The following TRAPPC11 variants were observed in gnomAD, a reference collection of about 807,000 sequenced individuals.
TRAPPC11 encodes the protein trafficking protein particle complex subunit 11, also known as foie gras homolog.
Under a neutral mutation model 151.2 loss-of-function variants are expected in TRAPPC11, and 104 were observed. The observed-to-expected ratio is 0.69, with a 90% confidence interval of 0.59 to 0.81. The LOEUF (loss-of-function observed/expected upper bound fraction) is 0.81. TRAPPC11 is among the 30% of genes least tolerant of loss of function. The pLI, the probability that TRAPPC11 is intolerant of heterozygous loss-of-function variation, is 0.00. For missense variants in TRAPPC11, 1,230 were observed against 1,349.6 expected, an observed-to-expected ratio of 0.91 and a Z score of 1.39; for synonymous variants, 456 against 472.3, an observed-to-expected ratio of 0.97 and a Z score of 0.45.
chr4:183,697,634 G>A, intron 24 of TRAPPC11, 45 bp from the exon 25 acceptor site: 1 of 1,610,410 alleles, frequency 6.2e-7, no homozygotes, highest in East Asian at 2.2e-5. Flanking sequence ...TGATAAAATG[G>A]ATTAAGGTAA....
chr4:183,660,859 A>ACC, intron 1 of TRAPPC11, among the ~76,000 whole-genome samples: 2 of 151,680 alleles, frequency 1.3e-5, no homozygotes, highest in South Asian at 4.2e-4. Context: ...GACTATAGGC[A>ACC]CGCATCACCA....
Position 183,693,131 on chromosome 4 carries a change from A to C in TRAPPC11, c.2221A>C (p.Ile741Leu). ...DNEVHWDSII[I>L]QASTMIISRV... ...TGAAGTTCACTGGGACAGCATTATA[A>C]TTCAGGCAAGCACAATGTAAGTCTG... Residue 741 changes from isoleucine to leucine, a missense_variant, in exon 20 of 30, where the codon ATT becomes CTT. By Grantham distance (5) the Ile-to-Leu change is conservative. Coordinates refer to ENST00000334690, the MANE Select transcript of TRAPPC11 (RefSeq NM_021942.6). The C allele has an allele frequency of 6.2e-7, 1 of 1,605,108 alleles. No individual in the cohort carries two copies. Among genetic ancestry groups the C allele is most frequent in the Non-Finnish European group, 8.5e-7 (1 of 1,174,222 alleles).
intron 11 of TRAPPC11, among the ~76,000 whole-genome samples, chr4:183,683,599 C>T (rs750651107): frequency 1.3e-5 from 2 of 151,514 alleles, no homozygotes; most frequent in African/African-American, 2.4e-5. Context: ...GAGGTTGATG[C>T]GCAGTGAGCT....
chr4:183,676,341 G>C (rs894452064), intron 7 of TRAPPC11, among the ~76,000 whole-genome samples: 1 of 152,010 alleles, frequency 6.6e-6, no homozygotes, highest in Non-Finnish European at 1.5e-5. Context: ...GTAGAGACAG[G>C]GTTTCACCAT....
intron 1 of TRAPPC11, 54 bp from the exon 2 acceptor site, chr4:183,663,793 A>T: frequency 9.0e-7 from 1 of 1,114,962 alleles, no homozygotes; most frequent in Non-Finnish European, 1.3e-6. Context: ...GGCTGGAGAA[A>T]TGAATATGAG....
rs200466260 is a variant in TRAPPC11 at position 183,706,843 on chromosome 4, C to G, written c.3092C>G (p.Pro1031Arg). The G allele has an allele frequency of 4.8e-4, 771 of 1,613,984 alleles. 8 individuals carry two copies. In the East Asian group the frequency reaches 0.011, roughly 24 times the overall value. Reference protein sequence around the residue: ...PSFGRVRESLPVKYHLQNKTD... With the variant: ...PSFGRVRESLRVKYHLQNKTD... Reference sequence around the variant, plus strand: ...TTTGGGCGTGTCAGAGAGTCGTTACCTGTCAAGTATCACCTACAGAATAAG... The same window carrying G: ...TTTGGGCGTGTCAGAGAGTCGTTACGTGTCAAGTATCACCTACAGAATAAG... Residue 1031 changes from proline (P) to arginine (R), a missense_variant, in exon 28 of 30, where the codon CCT becomes CGT. Physicochemically the swap from Pro to Arg is moderately radical, Grantham distance 103 (BLOSUM62 -2). Transcript: ENST00000334690.
At chr4:183,693,541 A>G (rs1736366137) in intron 20 of TRAPPC11, 48 bp from the exon 21 acceptor site, 5 of 1,557,110 alleles carry the variant, frequency 3.2e-6, no homozygotes, top group African/African-American at 1.4e-5. Context: ...TGAATAATTT[A>G]TTTGCTTTTT....
At chr4:183,699,477 C>T (rs1736697139) in intron 25 of TRAPPC11, among the ~76,000 whole-genome samples, 1 of 152,288 alleles carries the variant, frequency 6.6e-6, no homozygotes, top group East Asian at 1.9e-4. Context: ...TCTTATTCAT[C>T]TTCATATCGC....
intron 8 of TRAPPC11, among the ~76,000 whole-genome samples, chr4:183,677,923 A>C (rs1236153340): frequency 6.7e-6 from 1 of 148,898 alleles, no homozygotes; most frequent in African/African-American, 2.5e-5. Flanking sequence ...AGAAGTGTCT[A>C]TTCACCTTAG....
chr4:183,674,786 GA>G lies in TRAPPC11; in HGVS notation c.636del (p.Glu212AspfsTer3). 1 of 1,593,548 alleles carries G rather than the reference GA, an allele frequency of 6.3e-7. No individual in the cohort carries two copies. The highest frequency in any genetic ancestry group is 8.5e-7 in the Non-Finnish European group (1 of 1,171,864). On this transcript the variant is annotated frameshift_variant, in exon 6 of 30. Coordinates refer to ENST00000334690, the MANE Select transcript of TRAPPC11 (RefSeq NM_021942.6). LOFTEE classifies it high-confidence loss of function. The part of the protein sequence containing the change: ...TEIRRVKSHK[E>X]FLNKTTHQLL... ...GATCAGAAGAGTGAAATCTCATAAA[GA>G]ATTTTTGAATAAAACAACACACCAG...
At chr4:183,666,924 A>G in intron 3 of TRAPPC11, 136 bp from the exon 4 acceptor site, 1 of 609,234 alleles carries the variant, frequency 1.6e-6, no homozygotes, top group Non-Finnish European at 2.8e-6. Flanking sequence ...GTGTGCAGGA[A>G]AAGATTTCTT....
In TRAPPC11 at chr4:183,665,295, C is replaced by T. The variant is rs572602348; in HGVS notation, c.205-962C>T. 6.6e-5 allele frequency among the ~76,000 whole-genome samples: 10 copies of T among 152,000 alleles called. 1 individual carries two copies. Among genetic ancestry groups the T allele is most frequent in the East Asian group, 5.8e-4 (3 of 5,158 alleles). On this transcript the variant is annotated intron_variant, in intron 2 of 29. Coordinates refer to ENST00000334690, the MANE Select transcript of TRAPPC11 (RefSeq NM_021942.6). Reference sequence around the variant, plus strand: ...ATTTTTAGTAGAGACGGGGTTTCACCGTGTTAGCCAGGATGGTCTCGATCT... The same window carrying T: ...ATTTTTAGTAGAGACGGGGTTTCACTGTGTTAGCCAGGATGGTCTCGATCT...
rs908118870 is a variant in TRAPPC11 at position 183,666,098 on chromosome 4, CTTACTAG to C, written c.205-156_205-150del. The C allele has an allele frequency of 3.9e-5, 22 of 570,144 alleles. No individual in the cohort carries two copies. In the African/African-American group the frequency reaches 4.0e-4, roughly 10 times the overall value. The allele number at this position is 570,144 out of a possible 1,614,324, so 35.3% of individuals were successfully genotyped here. Reference sequence around the variant, plus strand: ...CAGGGTTGAGATTCCACCTTCAACACTTACTAGTTCTTACTGAATCTGTAAGCCTGAG... The same window carrying C: ...CAGGGTTGAGATTCCACCTTCAACACTTCTTACTGAATCTGTAAGCCTGAG... On this transcript the variant is annotated intron_variant, in intron 2 of 29. Transcript: ENST00000334690.
At chr4:183,703,782 C>T (rs1736911775) in intron 26 of TRAPPC11, among the ~76,000 whole-genome samples, 1 of 152,196 alleles carries the variant, frequency 6.6e-6, no homozygotes, top group Non-Finnish European at 1.5e-5. Context: ...ATTTCCCTGG[C>T]ACCACCCTTA....
At chr4:183,668,214 A>C (rs974247084) in intron 5 of TRAPPC11, 97 bp downstream of exon 5, 4 of 671,328 alleles carry the variant, frequency 6.0e-6, no homozygotes, top group Non-Finnish European at 1.0e-5. Flanking sequence ...AATCATGTTC[A>C]TGAAAAACAT....
At chr4:183,708,604 AT>A (rs750406683) in intron 29 of TRAPPC11, 30 bp downstream of exon 29, 1 of 1,599,636 alleles carries the variant, frequency 6.3e-7, no homozygotes, top group African/African-American at 1.3e-5. Context: ...TGCTTTTTAA[AT>A]TCAAAGTCTT....
At chr4:183,659,628 C>G (rs1400025363) in intron 1 of TRAPPC11, among the ~76,000 whole-genome samples, 181 bp downstream of exon 1, 1 of 152,176 alleles carries the variant, frequency 6.6e-6, no homozygotes, top group Non-Finnish European at 1.5e-5. Context: ...AGGTTTAAGA[C>G]GGGGGAATAA....
At chr4:183,688,224 G>C (rs1364990652) in intron 18 of TRAPPC11, among the ~76,000 whole-genome samples, 1 of 152,200 alleles carries the variant, frequency 6.6e-6, no homozygotes, top group Non-Finnish European at 1.5e-5. Context: ...AAATTACGTA[G>C]TGTAGGCTAG....
At chr4:183,695,052 G>A (rs1736467611) in intron 23 of TRAPPC11, among the ~76,000 whole-genome samples, 1 of 150,666 alleles carries the variant, frequency 6.6e-6, no homozygotes, top group Non-Finnish European at 1.5e-5. Context: ...GGGTTCAAGC[G>A]ATTCTCCTGC....
Sources: gnomAD v4.1 joint callset for allele counts (sites outside exome capture counted in the v4.1 genomes callset) on GRCh38, gnomAD v4.1.1 for gene constraint, MANE v1.5 for transcripts, NCBI Gene and HGNC (gene_info 2026-07-23, HGNC 2026-07-21) for gene names.